The following PTPRT variants were observed in gnomAD, a reference collection of about 807,000 sequenced individuals.
The protein encoded by PTPRT is receptor-type tyrosine-protein phosphatase T.
PTPRT carries 56 observed loss-of-function variants against 176.8 expected under a neutral mutation model. The observed-to-expected ratio is 0.32, with a 90% CI of 0.26 to 0.40. The LOEUF is 0.40. PTPRT is among the 10% of genes least tolerant of loss of function. The pLI is 1.00. For missense variants in PTPRT, 1,540 were observed against 1,908.2 expected, an observed-to-expected ratio of 0.81 and a Z score of 3.60; for synonymous variants, 783 against 739.0, an observed-to-expected ratio of 1.06 and a Z score of -0.96.
At chr20:42,114,588 G>A (rs549540198) in intron 22 of PTPRT, among the ~76,000 whole-genome samples, 17 of 152,160 alleles carry the variant, frequency 1.1e-4, no homozygotes, top group Non-Finnish European at 2.1e-4. Flanking sequence ...CTTTGTTGTC[G>A]GAGGCTGTCC....
intron 9 of PTPRT, among the ~76,000 whole-genome samples, chr20:42,377,761 C>A (rs2058665102): frequency 6.6e-6 from 1 of 152,152 alleles, no homozygotes; most frequent in African/African-American, 2.4e-5. Flanking sequence ...TTCGCCACCT[C>A]TGTAAATTGC....
At chr20:43,188,622 C>T (rs1434988311) in intron 1 of PTPRT, among the ~76,000 whole-genome samples, 1 of 152,206 alleles carries the variant, frequency 6.6e-6, no homozygotes, top group African/African-American at 2.4e-5. Flanking sequence ...AGCCTGTCCC[C>T]GCAATCCCAG....
In PTPRT at chr20:42,679,382, C is replaced by T. The variant is rs55956337; in HGVS notation, c.860-1223G>A. ...GGTAGTGTAGGATAAAACTTATATC[C>T]GCATGCCTTCCTGGACCAACTTGCA... On this transcript the variant is annotated intron_variant, in intron 6 of 30. Transcript: ENST00000373187. Among the ~76,000 whole-genome samples, 639 of 152,002 alleles carry T rather than the reference C, an allele frequency of 4.2e-3. 6 individuals carry two copies. Among genetic ancestry groups the T allele is most frequent in the African/African-American group, 0.013 (545 of 41,460 alleles).
intron 18 of PTPRT, among the ~76,000 whole-genome samples, chr20:42,131,657 C>T (rs6102685): frequency 6.6e-6 from 1 of 152,260 alleles, no homozygotes. Flanking sequence ...TACTGCACAC[C>T]TACTATGTGC....
chr20:42,270,363 T>TCCCCAC, intron 13 of PTPRT: 1 of 1,332,716 alleles, frequency 7.5e-7, no homozygotes, highest in Non-Finnish European at 1.0e-6. Flanking sequence ...TGGGCAACTC[T>TCCCCAC]CCCCTCCCAC....
At position 42,073,020 on chromosome 20, in the gene PTPRT, GATTT is replaced by G; in HGVS notation, c.*7855_*7858del. ...ACAGTGCTGGCTTTTTTAAAAAGTT[GATTT>G]ATTTTGTTTTCTCTTCTCATACGTG... is the stretch of plus-strand genomic sequence containing the variant. On this transcript the variant is annotated 3_prime_UTR_variant, in exon 31 of 31. Coordinates refer to ENST00000373187, the MANE Select transcript of PTPRT (RefSeq NM_007050.6). The G allele has an allele frequency of 4.5e-6, 1 of 222,444 alleles. No individual in the cohort carries two copies. The highest frequency in any genetic ancestry group is 9.0e-6 in the Non-Finnish European group (1 of 111,068). The allele number at this position is 222,444 out of a possible 1,614,324, so 13.8% of individuals were successfully genotyped here.
chr20:42,914,360 C>T (rs1038142037), intron 1 of PTPRT, among the ~76,000 whole-genome samples: 4 of 152,150 alleles, frequency 2.6e-5, no homozygotes, highest in African/African-American at 9.7e-5. Context: ...CCCCCTCTTT[C>T]CCAGAAGCCG....
At chr20:42,896,221 C>T (rs1001462618) in intron 1 of PTPRT, among the ~76,000 whole-genome samples, 3 of 152,158 alleles carry the variant, frequency 2.0e-5, no homozygotes, top group African/African-American at 7.2e-5. Context: ...AGACTCCAAT[C>T]ATGGGTTTGT....
intron 7 of PTPRT, among the ~76,000 whole-genome samples, chr20:42,674,108 C>A (rs897910380): frequency 4.6e-5 from 7 of 152,156 alleles, no homozygotes; most frequent in African/African-American, 1.7e-4. Flanking sequence ...AGACTACCAA[C>A]ACCAATAAAC....
intron 7 of PTPRT, among the ~76,000 whole-genome samples, chr20:42,612,467 T>C (rs1246248374): frequency 6.6e-6 from 1 of 152,188 alleles, no homozygotes; most frequent in Admixed American, 6.5e-5. Context: ...TTACACGTCA[T>C]CACTCTTTGC....
intron 12 of PTPRT, among the ~76,000 whole-genome samples, chr20:42,283,856 C>T (rs1341829256): frequency 6.6e-6 from 1 of 152,076 alleles, no homozygotes; most frequent in African/African-American, 2.4e-5. Flanking sequence ...AGATTCTATT[C>T]CATCTAGGTA....
intron 7 of PTPRT, among the ~76,000 whole-genome samples, chr20:42,534,430 G>T (rs900962153): frequency 8.6e-5 from 13 of 151,984 alleles, no homozygotes; most frequent in African/African-American, 3.1e-4. Context: ...TCAAGAGATC[G>T]AGATCATCCT....
At chr20:42,701,389 G>A (rs908297385) in intron 6 of PTPRT, among the ~76,000 whole-genome samples, 3 of 152,192 alleles carry the variant, frequency 2.0e-5, no homozygotes, top group African/African-American at 7.2e-5. Context: ...GCTACCGTGG[G>A]ATGCTTAAAT....
chr20:43,045,717 C>T (rs1986811407), intron 1 of PTPRT, among the ~76,000 whole-genome samples: 1 of 151,634 alleles, frequency 6.6e-6, no homozygotes, highest in Non-Finnish European at 1.5e-5. Flanking sequence ...CCTGCCTCAG[C>T]CCCCCAATGT....
At chr20:43,105,024 C>G (rs1440597282) in intron 1 of PTPRT, among the ~76,000 whole-genome samples, 1 of 152,064 alleles carries the variant, frequency 6.6e-6, no homozygotes, top group Middle Eastern at 3.2e-3. Flanking sequence ...GTCCTCTTAC[C>G]AAGAAGAAAA....
In PTPRT at chr20:42,791,863, C is replaced by T. The variant is rs143158180; in HGVS notation, c.215-397G>A. Among the ~76,000 whole-genome samples the T allele has an allele frequency of 2.9e-4, 44 of 152,278 alleles. No individual in the cohort carries two copies. The South Asian group carries it at 5.2e-3, about 18-fold the overall frequency. ...CTTTGACAAATTAAATGGTTGTTTC[C>T]AATTCTTTATCCCTCCCTGGATCCA... On this transcript the variant is annotated intron_variant, in intron 2 of 30. Coordinates refer to ENST00000373187, the MANE Select transcript of PTPRT (RefSeq NM_007050.6).
intron 1 of PTPRT, among the ~76,000 whole-genome samples, chr20:42,952,930 T>G (rs1420983488): frequency 3.3e-5 from 5 of 152,184 alleles, no homozygotes; most frequent in Admixed American, 3.3e-4. Context: ...TATATACTCT[T>G]AAAAAAAATC....
chr20:42,053,359 T>C, the PTPRT span, among the ~76,000 whole-genome samples: 6 of 152,204 alleles, frequency 3.9e-5, no homozygotes, highest in Admixed American at 6.5e-5. Context: ...TACTGTGGTC[T>C]TCTTCCCAGC....
chr20:42,548,720 C>T (rs2072717551), intron 7 of PTPRT, among the ~76,000 whole-genome samples: 1 of 151,968 alleles, frequency 6.6e-6, no homozygotes, highest in African/African-American at 2.4e-5. Context: ...AAATCGACAA[C>T]CAAATAATAT....
Sources: allele counts gnomAD v4.1 joint callset (sites outside exome capture counted in the v4.1 genomes callset), GRCh38; gene constraint gnomAD v4.1.1; transcripts MANE v1.5; gene names NCBI Gene and HGNC (gene_info 2026-07-23, HGNC 2026-07-21).